Variants in TNFRSF13B observed in about 807,000 individuals in gnomAD.
TNFRSF13B encodes TNF receptor superfamily member 13B, also known as tumor necrosis factor receptor superfamily member 13B.
In TNFRSF13B, 34 loss-of-function variants were observed where a neutral mutation model predicts 24.0. The ratio of observed to expected loss-of-function variants is 1.41; its 90% CI spans 1.08 to 1.88. The LOEUF is 1.88. TNFRSF13B is among the 40% of genes most tolerant of loss of function. TNFRSF13B has a pLI of 0.00. For synonymous variants in TNFRSF13B, 173 were observed against 150.3 expected (o/e 1.15, Z -1.10); for missense variants, 415 against 380.8 (o/e 1.09, Z -0.75).
rs199498949 is a variant in TNFRSF13B at position 16,945,219 on chromosome 17, G to T, written c.445+3519C>A. 2.6e-5 allele frequency among the ~76,000 whole-genome samples: 4 copies of T among 152,342 alleles called. No homozygotes were observed. The East Asian group carries it at 7.7e-4, about 29-fold the overall frequency. Reference sequence around the variant, plus strand: ...ACTGGCACCAACACATCCTCACACAGCCCCCAATGCTCACAGCCTTGGGCT... The same window carrying T: ...ACTGGCACCAACACATCCTCACACATCCCCCAATGCTCACAGCCTTGGGCT... On this transcript the variant is annotated intron_variant, in intron 3 of 4. Coordinates refer to ENST00000261652, the MANE Select transcript of TNFRSF13B (RefSeq NM_012452.3).
intron 4 of TNFRSF13B, 173 bp downstream of exon 4, chr17:16,940,153 G>C: frequency 6.8e-7 from 1 of 1,477,460 alleles, no homozygotes; most frequent in Non-Finnish European, 9.0e-7. Flanking sequence ...CACTCTCCCA[G>C]TTATCTGTCT....
chr17:16,940,644 AC>A (rs2087503784), intron 3 of TNFRSF13B, 133 bp from the exon 4 acceptor site: 1 of 1,511,604 alleles, frequency 6.6e-7, no homozygotes, highest in Non-Finnish European at 8.8e-7. Context: ...TCCTTTTCTG[AC>A]CCTGAGGCTG....
Position 16,948,857 on chromosome 17 carries a change from C to T in TNFRSF13B, c.326G>A (p.Arg109Lys). The change falls in exon 3 of 5, where the codon AGG (arginine) becomes AAG (lysine). Residue 109 changes from arginine (R) to lysine (K), a missense_variant. Transcript: ENST00000261652. ...QCAYFCENKL[R>K]SPVNLPPELR... Reference sequence around the variant, plus strand: ...CTCTGGTGGAAGGTTCACTGGGCTCCTGAGCTTGTTCTCACAGAAGTATGC... The same window carrying T: ...CTCTGGTGGAAGGTTCACTGGGCTCTTGAGCTTGTTCTCACAGAAGTATGC... 6.2e-7 allele frequency: 1 copy of T among 1,614,214 alleles called. No homozygotes were observed. The highest frequency in any genetic ancestry group is 8.5e-7 in the Non-Finnish European group (1 of 1,180,036).
chr17:16,959,620 A>G (rs940524795), intron 1 of TNFRSF13B, among the ~76,000 whole-genome samples: 1 of 152,068 alleles, frequency 6.6e-6, no homozygotes, highest in African/African-American at 2.4e-5. Flanking sequence ...GACTCATATT[A>G]TTAAAATCAG....
intron 1 of TNFRSF13B, among the ~76,000 whole-genome samples, chr17:16,952,904 G>A (rs992996113): frequency 6.6e-6 from 1 of 152,152 alleles, no homozygotes; most frequent in African/African-American, 2.4e-5. Context: ...CTGCCACAGG[G>A]TCTTTGCACC....
At chr17:16,964,696 A>G (rs1555550260) in intron 1 of TNFRSF13B, among the ~76,000 whole-genome samples, 2 of 152,154 alleles carry the variant, frequency 1.3e-5, no homozygotes, top group Non-Finnish European at 2.9e-5. Flanking sequence ...AAAACTGGTC[A>G]AGTCACCTTC....
chr17:16,943,126 AC>A (rs1413604705), intron 3 of TNFRSF13B, among the ~76,000 whole-genome samples: 4 of 152,102 alleles, frequency 2.6e-5, no homozygotes, highest in African/African-American at 9.7e-5. Flanking sequence ...TGCATGACAG[AC>A]CCCAAGCAAG....
chr17:16,945,838 G>A (rs1656874992), intron 3 of TNFRSF13B, among the ~76,000 whole-genome samples: 1 of 152,120 alleles, frequency 6.6e-6, no homozygotes, highest in African/African-American at 2.4e-5. Context: ...AAGAGGTGGC[G>A]TCTGTTTCCC....
chr17:16,949,832 A>G (rs1214930493), intron 2 of TNFRSF13B, among the ~76,000 whole-genome samples: 2 of 151,630 alleles, frequency 1.3e-5, no homozygotes, highest in Non-Finnish European at 2.9e-5. Flanking sequence ...ATTACAGGCG[A>G]CCACCACAAC....
At chr17:16,969,118 G>T (rs2087725970) in intron 1 of TNFRSF13B, among the ~76,000 whole-genome samples, 2 of 152,204 alleles carry the variant, frequency 1.3e-5, no homozygotes, top group African/African-American at 4.8e-5. Context: ...TAGTGCAGCT[G>T]CTTTGGAAAG....
At chr17:16,945,837 C>T (rs908721255) in intron 3 of TNFRSF13B, among the ~76,000 whole-genome samples, 5 of 152,136 alleles carry the variant, frequency 3.3e-5, no homozygotes, top group South Asian at 4.1e-4. Context: ...CAAGAGGTGG[C>T]GTCTGTTTCC....
chr17:16,959,072 A>G (rs1233437936), intron 1 of TNFRSF13B, among the ~76,000 whole-genome samples: 2 of 152,060 alleles, frequency 1.3e-5, no homozygotes, highest in South Asian at 4.1e-4. Context: ...GCCACAAAAC[A>G]AGGCTAAACT....
intron 3 of TNFRSF13B, among the ~76,000 whole-genome samples, chr17:16,942,805 C>G (rs143237103): frequency 6.8e-4 from 104 of 152,350 alleles, no homozygotes; most frequent in African/African-American, 2.4e-3. Context: ...AGAGACCATG[C>G]AAGTGTTCAG....
rs931606910 is a variant in TNFRSF13B, at chr17:16,953,328, T to G, written c.62-745A>C. Among the ~76,000 whole-genome samples, 5 of 152,218 alleles carry G rather than the reference T, an allele frequency of 3.3e-5. No individual in the cohort carries two copies. The East Asian group carries it at 9.6e-4, about 29-fold the overall frequency. ...AATGTCAATTTCCTTCTTGTTTTCT[T>G]TTTTACTAAAGTATGAAACAACCAC... On this transcript the variant is annotated intron_variant, in intron 1 of 4. Coordinates refer to ENST00000261652, the MANE Select transcript of TNFRSF13B (RefSeq NM_012452.3).
chr17:16,954,465 T>C (rs1324275659), intron 1 of TNFRSF13B, among the ~76,000 whole-genome samples: 2 of 152,190 alleles, frequency 1.3e-5, no homozygotes, highest in Non-Finnish European at 2.9e-5. Flanking sequence ...CCTTCCCTCC[T>C]GAAACCATGC....
At chr17:16,963,266 T>C (rs185057547) in intron 1 of TNFRSF13B, among the ~76,000 whole-genome samples, 45 of 152,318 alleles carry the variant, frequency 3.0e-4, no homozygotes, top group Middle Eastern at 3.4e-3. Context: ...CCATTTCTTA[T>C]GATAAGGAGT....
intron 1 of TNFRSF13B, among the ~76,000 whole-genome samples, chr17:16,953,764 T>C (rs2087606317): frequency 6.6e-6 from 1 of 151,962 alleles, no homozygotes; most frequent in Non-Finnish European, 1.5e-5. Context: ...TTGCAAGGCA[T>C]ATGTTTGTTC....
intron 1 of TNFRSF13B, among the ~76,000 whole-genome samples, chr17:16,968,786 G>T (rs1855408865): frequency 6.6e-6 from 1 of 152,108 alleles, no homozygotes; most frequent in African/African-American, 2.4e-5. Flanking sequence ...GAGAAAATAG[G>T]TTCAAATATT....
chr17:16,968,498 T>G (rs1240020811), intron 1 of TNFRSF13B, among the ~76,000 whole-genome samples: 1 of 152,248 alleles, frequency 6.6e-6, no homozygotes, highest in African/African-American at 2.4e-5. Flanking sequence ...CTGGGTCAAC[T>G]GGGTATTCAC....
Sources: gnomAD v4.1 joint callset for allele counts (sites outside exome capture counted in the v4.1 genomes callset) on GRCh38, gnomAD v4.1.1 for gene constraint, MANE v1.5 for transcripts, NCBI Gene and HGNC (gene_info 2026-07-23, HGNC 2026-07-21) for gene names.